The following RIGI variants were observed in gnomAD, a reference collection of about 807,000 sequenced individuals.
The protein encoded by RIGI is antiviral innate immune response receptor RIG-I.
the RIGI span, among the ~76,000 whole-genome samples, chr9:32,524,333 A>G: frequency 6.6e-6 from 1 of 152,164 alleles, no homozygotes; most frequent in Non-Finnish European, 1.5e-5. Flanking sequence ...AAGTGTATCA[A>G]ATCAATATAT....
At chr9:32,525,929 G>A in the RIGI span, 3 of 755,460 alleles carry the variant, frequency 4.0e-6, no homozygotes, top group Non-Finnish European at 6.8e-6. Context: ...AGCCTAAAAT[G>A]CTGCGGAGAT....
chr9:32,489,461 A>G, the RIGI span: 2 of 1,572,184 alleles, frequency 1.3e-6, no homozygotes, highest in Non-Finnish European at 1.7e-6. Context: ...TCTGGAATAC[A>G]AAAGGAGCAA....
At chr9:32,477,254 A>T in the RIGI span, 1 of 1,133,450 alleles carries the variant, frequency 8.8e-7, no homozygotes, top group East Asian at 2.5e-5. Context: ...TATGAGTAGT[A>T]AGTACTGTTT....
At chr9:32,521,984 A>C in the RIGI span, among the ~76,000 whole-genome samples, 1 of 152,132 alleles carries the variant, frequency 6.6e-6, no homozygotes, top group Non-Finnish European at 1.5e-5. Flanking sequence ...TATTTAGGGG[A>C]CTTCATGAAA....
chr9:32,525,049 T>C, the RIGI span, among the ~76,000 whole-genome samples: 1 of 152,190 alleles, frequency 6.6e-6, no homozygotes, highest in African/African-American at 2.4e-5. Context: ...AAATTATTTA[T>C]TGAGAAATCT....
At chr9:32,524,490 G>A in the RIGI span, among the ~76,000 whole-genome samples, 1 of 151,512 alleles carries the variant, frequency 6.6e-6, no homozygotes, top group African/African-American at 2.4e-5. Flanking sequence ...GTTAGTTGCC[G>A]GTCTTAACGC....
chr9:32,458,749 C>T, the RIGI span, among the ~76,000 whole-genome samples: 1 of 152,206 alleles, frequency 6.6e-6, no homozygotes, highest in Admixed American at 6.5e-5. Flanking sequence ...TCATATACCA[C>T]AGCACATTTG....
chr9:32,462,381 T>C, the RIGI span, among the ~76,000 whole-genome samples: 1 of 146,780 alleles, frequency 6.8e-6, no homozygotes, highest in Non-Finnish European at 1.5e-5. Flanking sequence ...ATTTGCTTTA[T>C]ATAAAAAAAA....
the RIGI span, among the ~76,000 whole-genome samples, chr9:32,515,615 A>C: frequency 1.3e-5 from 2 of 152,174 alleles, no homozygotes; most frequent in East Asian, 3.8e-4. Flanking sequence ...TCATATTTTC[A>C]AAAGAACTGC....
the RIGI span, among the ~76,000 whole-genome samples, chr9:32,479,531 C>A: frequency 2.0e-5 from 3 of 151,922 alleles, no homozygotes; most frequent in Admixed American, 6.6e-5. Flanking sequence ...ATTTTGGTTT[C>A]CTCTTTATGT....
chr9:32,457,557 A>AG, the RIGI span: 1,072 of 723,284 alleles, frequency 1.5e-3, no homozygotes, highest in East Asian at 2.3e-3. Flanking sequence ...TTACAATTGG[A>AG]GGAAAAAAAA....
chr9:32,456,565 G>A, the RIGI span: 1 of 154,874 alleles, frequency 6.5e-6, no homozygotes, highest in Non-Finnish European at 1.4e-5. Context: ...GCAAAGAGGA[G>A]GACTCAATAA....
the RIGI span, chr9:32,487,818 CATA>C: frequency 3.3e-5 from 43 of 1,313,364 alleles, no homozygotes; most frequent in Admixed American, 8.6e-4. Flanking sequence ...AAACAAAATT[CATA>C]ATGAGTTGTA....
At chr9:32,478,464 A>G in the RIGI span, among the ~76,000 whole-genome samples, 2 of 152,200 alleles carry the variant, frequency 1.3e-5, no homozygotes, top group African/African-American at 4.8e-5. Flanking sequence ...TCTTTTTAAC[A>G]CTAGTTCAAT....
the RIGI span, among the ~76,000 whole-genome samples, chr9:32,512,319 A>T: frequency 6.6e-6 from 1 of 152,230 alleles, no homozygotes; most frequent in East Asian, 1.9e-4. Flanking sequence ...AAAATCCTCA[A>T]TAAAATACTG....
At chr9:32,526,118 G>C in the RIGI span, 11 of 1,613,912 alleles carry the variant, frequency 6.8e-6, no homozygotes, top group Non-Finnish European at 8.5e-6. Context: ...AGGGTCTTCC[G>C]GATATAATCC....
chr9:32,525,373 C>T, the RIGI span, among the ~76,000 whole-genome samples: 2 of 152,250 alleles, frequency 1.3e-5, no homozygotes, highest in Non-Finnish European at 2.9e-5. Context: ...AGGGACCACG[C>T]CCGGCCTCAT....
chr9:32,500,930 T>G, the RIGI span: 1 of 1,613,832 alleles, frequency 6.2e-7, no homozygotes, highest in Non-Finnish European at 8.5e-7. Context: ...CTGAATATAC[T>G]GCACCTCTTC....
chr9:32,485,160 T>C, the RIGI span: 8 of 1,558,172 alleles, frequency 5.1e-6, no homozygotes, highest in Admixed American at 1.9e-5. Flanking sequence ...ACACAAAATA[T>C]GAGATTTATC....
Sources: allele counts gnomAD v4.1 joint callset (sites outside exome capture counted in the v4.1 genomes callset), GRCh38; gene constraint gnomAD v4.1.1; transcripts MANE v1.5; gene names NCBI Gene and HGNC (gene_info 2026-07-23, HGNC 2026-07-21).